The following DNHD1 variants were observed in gnomAD, a reference collection of about 807,000 sequenced individuals.
DNHD1 encodes the protein dynein heavy chain domain 1.
In DNHD1, 383 loss-of-function variants were observed where a neutral mutation model predicts 458.1. The ratio of observed to expected loss-of-function variants is 0.84; its 90% CI spans 0.77 to 0.91. DNHD1 has a LOEUF of 0.91. Among genes scored for constraint, DNHD1 ranks in the 40% least tolerant of loss-of-function variants. The probability of loss-of-function intolerance (pLI) is 0.00; values close to 1 mark genes in which losing one functional copy is unlikely to be tolerated. For synonymous variants in DNHD1, 2,203 were observed against 2,376.9 expected, an observed-to-expected ratio of 0.93 and a Z score of 2.13; for missense variants, 5,336 against 5,866.1, an observed-to-expected ratio of 0.91 and a Z score of 2.95.
chr11:6,523,047 A>T (rs1589873738), intron 10 of DNHD1, among the ~76,000 whole-genome samples: 1 of 152,196 alleles, frequency 6.6e-6, no homozygotes, highest in Non-Finnish European at 1.5e-5. Flanking sequence ...TCAGCTAATC[A>T]CTTTTCTCAT....
At chr11:6,501,376 AT>A (rs1852132823) in intron 3 of DNHD1, among the ~76,000 whole-genome samples, 1 of 151,430 alleles carries the variant, frequency 6.6e-6, no homozygotes, top group South Asian at 2.1e-4. Flanking sequence ...CTCAATAAAT[AT>A]TCGTAGACTA....
At chr11:6,503,014 C>G in intron 4 of DNHD1, 88 bp downstream of exon 4, 2 of 1,436,326 alleles carry the variant, frequency 1.4e-6, no homozygotes, top group Non-Finnish European at 1.9e-6. Flanking sequence ...CACGTGCGCA[C>G]CCTTCTCCCT....
In DNHD1 at chr11:6,567,207, G is replaced by A. The variant is rs776460384; in HGVS notation, c.11698G>A (p.Gly3900Arg). 1.1e-5 allele frequency: 18 copies of A among 1,613,854 alleles called. No homozygotes were observed. The highest frequency in any genetic ancestry group is 1.3e-5 in the Non-Finnish European group (15 of 1,179,920). Residue 3900 changes from glycine to arginine, a missense_variant, in exon 36 of 43, where the codon GGG becomes AGG. Gly to Arg is a moderately radical substitution (Grantham distance 125). Coordinates refer to ENST00000254579, the MANE Select transcript of DNHD1 (RefSeq NM_144666.3). ...DSMKPREINH[G>R]EDLASHLLQL... is the part of the protein sequence containing the mutation. ...CATGAAGCCACGTGAGATTAATCAC[G>A]GGGAGGACCTGGCCAGCCATCTACT...
At chr11:6,560,713 A>G (rs1287219789) in intron 28 of DNHD1, among the ~76,000 whole-genome samples, 1 of 152,114 alleles carries the variant, frequency 6.6e-6, no homozygotes, top group African/African-American at 2.4e-5. Flanking sequence ...TAGCCATAAT[A>G]GTGTGTACTT....
intron 14 of DNHD1, among the ~76,000 whole-genome samples, chr11:6,535,997 A>G (rs893403054): frequency 2.0e-5 from 3 of 152,242 alleles, no homozygotes; most frequent in Admixed American, 1.3e-4. Context: ...AACATCACCA[A>G]TGAAGGACAT....
chr11:6,530,252 C>T (rs1267102523), intron 12 of DNHD1, among the ~76,000 whole-genome samples: 2 of 152,186 alleles, frequency 1.3e-5, no homozygotes, highest in Non-Finnish European at 2.9e-5. Flanking sequence ...ATCTCAGGTT[C>T]CCTCCTCTTG....
intron 19 of DNHD1, 68 bp downstream of exon 19, chr11:6,544,314 T>C: frequency 4.6e-6 from 7 of 1,531,414 alleles, no homozygotes; most frequent in Middle Eastern, 3.5e-4. Context: ...GGGATGGGGG[T>C]GAGAGGTGGA....
intron 7 of DNHD1, among the ~76,000 whole-genome samples, chr11:6,514,910 C>A (rs917197290): frequency 1.3e-5 from 2 of 152,096 alleles, no homozygotes; most frequent in African/African-American, 4.8e-5. Flanking sequence ...AGAGTCTCAT[C>A]CCATGGTGGA....
intron 17 of DNHD1, 49 bp from the exon 18 acceptor site, chr11:6,539,826 GT>G: frequency 6.6e-7 from 1 of 1,521,190 alleles, no homozygotes; most frequent in South Asian, 1.2e-5. Context: ...CTCCAAGCCT[GT>G]CCCCGAAGCA....
Position 6,566,495 on chromosome 11 carries a change from C to G in DNHD1, c.11207-92C>G, listed in dbSNP as rs1273739954. The G allele has an allele frequency of 5.1e-6, 8 of 1,553,400 alleles. No individual in the cohort carries two copies. In the East Asian group the frequency reaches 1.7e-4, roughly 32 times the overall value. On this transcript the variant is annotated intron_variant, in intron 34 of 42. Transcript: ENST00000254579. ...CACTCAACCTGGCCCAGAGCAGGCA[C>G]AGGTCTATAGCAGGGAGCCATACTC...
In DNHD1 at chr11:6,548,038, C is replaced by T; in HGVS notation, c.6903C>T (p.Ser2301=). 1 of 1,551,710 alleles carries T rather than the reference C, an allele frequency of 6.4e-7. No homozygotes were observed. The highest frequency in any genetic ancestry group is 8.7e-7 in the Non-Finnish European group (1 of 1,147,006). ...LIWGFGAHLP[S]RFWPIFDTFI... ...GGGGCTTTGGAGCCCACCTTCCCTC[C>T]AGGTACCTACCAGGATGGGGGATGG... Residue 2301 remains serine (S), a splice_region_variant and synonymous_variant, in exon 22 of 43, where the codon TCC becomes TCT. Coordinates refer to ENST00000254579, the MANE Select transcript of DNHD1 (RefSeq NM_144666.3). The surrounding 1 kb of genome is among the most constrained non-coding windows in gnomAD (Gnocchi z 4.4).
At chr11:6,521,636 A>G (rs572499903) in intron 10 of DNHD1, among the ~76,000 whole-genome samples, 1 of 152,342 alleles carries the variant, frequency 6.6e-6, no homozygotes, top group South Asian at 2.1e-4. Flanking sequence ...TATTCATAGT[A>G]CCATTCTTTA....
At chr11:6,528,208 G>A (rs1852750081) in intron 10 of DNHD1, among the ~76,000 whole-genome samples, 1 of 152,308 alleles carries the variant, frequency 6.6e-6, no homozygotes, top group Admixed American at 6.5e-5. Context: ...TCAACCTTGA[G>A]TGGTTTTGTA....
intron 10 of DNHD1, among the ~76,000 whole-genome samples, chr11:6,526,269 T>C (rs962631266): frequency 1.3e-5 from 2 of 152,218 alleles, no homozygotes; most frequent in Non-Finnish European, 2.9e-5. Flanking sequence ...CTTTCATTTA[T>C]AATTCTTTCC....
At chr11:6,532,373 C>T (rs749652811) in intron 12 of DNHD1, among the ~76,000 whole-genome samples, 1 of 152,140 alleles carries the variant, frequency 6.6e-6, no homozygotes, top group Non-Finnish European at 1.5e-5. Context: ...TTCATACTGC[C>T]AAGGGCAGCT....
chr11:6,534,601 A>G (rs1852903113), intron 14 of DNHD1, among the ~76,000 whole-genome samples: 2 of 152,184 alleles, frequency 1.3e-5, no homozygotes, highest in South Asian at 4.1e-4. Flanking sequence ...CCAGTGTGGT[A>G]TAGAGAGGAG....
chr11:6,550,188 T>C (rs892740679), intron 24 of DNHD1, among the ~76,000 whole-genome samples: 2 of 152,344 alleles, frequency 1.3e-5, no homozygotes, highest in South Asian at 2.1e-4. Flanking sequence ...TTTGCAATTA[T>C]TTTAAAGATG....
intron 12 of DNHD1, 82 bp from the exon 13 acceptor site, chr11:6,532,945 A>G (rs1852857617): frequency 1.5e-6 from 2 of 1,330,538 alleles, no homozygotes; most frequent in Non-Finnish European, 2.1e-6. Flanking sequence ...CATTCAGCCT[A>G]CTCCCACTCT....
At chr11:6,527,186 C>T (rs966567272) in intron 10 of DNHD1, among the ~76,000 whole-genome samples, 9 of 152,206 alleles carry the variant, frequency 5.9e-5, no homozygotes, top group African/African-American at 2.2e-4. Context: ...AGAATCCCTT[C>T]TGGCATTTTT....
Sources: gnomAD v4.1 joint callset for allele counts (sites outside exome capture counted in the v4.1 genomes callset) on GRCh38, gnomAD v4.1.1 for gene constraint, Gnocchi (gnomAD v3.1) non-coding constraint, MANE v1.5 for transcripts, NCBI Gene and HGNC (gene_info 2026-07-23, HGNC 2026-07-21) for gene names.